Variants in ESCO2 observed in about 807,000 individuals in gnomAD.
ESCO2 encodes the protein establishment of sister chromatid cohesion N-acetyltransferase 2.
A neutral mutation model predicts 61.7 loss-of-function variants in ESCO2; 51 were observed. That is an observed-to-expected ratio of 0.83 (90% CI 0.66 to 1.04). The LOEUF is 1.04. Among genes scored for constraint, ESCO2 ranks in the 50% least tolerant of loss-of-function variants. The pLI, the probability that ESCO2 is intolerant of heterozygous loss-of-function variation, is 0.00. For missense variants in ESCO2, 692 were observed against 686.2 expected (o/e 1.01, Z -0.09); for synonymous variants, 230 against 238.2 (o/e 0.97, Z 0.32).
chr8:27,776,499 A>G lies in ESCO2; in HGVS notation c.191A>G (p.Glu64Gly). Reference protein sequence around the residue: ...HFVLSALKTTEINRLPSANQG... With the variant: ...HFVLSALKTTGINRLPSANQG... ...GTTTTAAGTGCGCTCAAAACAACTG[A>G]AATAAATAGACTGCCATCAGCAAAT... The change falls in exon 3 of 11, where the codon GAA becomes GGA. Residue 64 changes from glutamate to glycine, a missense_variant. By Grantham distance (98) the Glu-to-Gly change is moderately conservative. Coordinates refer to ENST00000305188, the MANE Select transcript of ESCO2 (RefSeq NM_001017420.3). 1.9e-6 allele frequency: 3 copies of G among 1,613,818 alleles called. No homozygotes were observed. The highest frequency in any genetic ancestry group is 2.5e-6 in the Non-Finnish European group (3 of 1,179,962).
At chr8:27,793,959 T>TA (rs1805238803) in intron 9 of ESCO2, among the ~76,000 whole-genome samples, 2 of 152,196 alleles carry the variant, frequency 1.3e-5, no homozygotes, top group African/African-American at 2.4e-5. Context: ...GAAGTCAACT[T>TA]CTTTAGATTC....
rs1449798355 is a variant in ESCO2 at position 27,787,960 on chromosome 8, T to C, written c.1089T>C (p.Asn363=). Residue 363 remains asparagine (N), a synonymous_variant, in exon 6 of 11, where the codon AAT becomes AAC. Transcript: ENST00000305188. ...MKQTNIQKNT[N]TRDTSKKTKD... ...AGACCAATATCCAGAAAAATACTAATACCAGAGATACAAGTAAAAAAACAA... is the reference window on the plus strand; with the variant it reads ...AGACCAATATCCAGAAAAATACTAACACCAGAGATACAAGTAAAAAAACAA... 1 of 1,613,582 alleles carries C rather than the reference T, an allele frequency of 6.2e-7. No homozygotes were observed. The highest frequency in any genetic ancestry group is 8.5e-7 in the Non-Finnish European group (1 of 1,179,798).
At chr8:27,808,476 G>T, downstream of ESCO2, 1 of 154,788 alleles carries the variant, frequency 6.5e-6, no homozygotes. Context: ...GAGTTCCAGA[G>T]CAGCCTGAGC....
intron 9 of ESCO2, among the ~76,000 whole-genome samples, chr8:27,799,089 C>T (rs754512083): frequency 2.6e-5 from 4 of 151,888 alleles, no homozygotes; most frequent in Admixed American, 6.6e-5. Context: ...GATACATGCT[C>T]CTCTGTAGTG....
chr8:27,800,703 CTG>C (rs1805404451), intron 10 of ESCO2, among the ~76,000 whole-genome samples: 2 of 152,146 alleles, frequency 1.3e-5, no homozygotes, highest in South Asian at 4.1e-4. Flanking sequence ...ATAATCCAAT[CTG>C]TGATTAATGG....
chr8:27,808,733 T>A (rs1487778742), downstream of ESCO2, among the ~76,000 whole-genome samples: 2 of 150,076 alleles, frequency 1.3e-5, no homozygotes, highest in Non-Finnish European at 1.5e-5. Flanking sequence ...GTTGCTCTTT[T>A]GAGAATGAGG....
chr8:27,780,320 A>G (rs1207436495), intron 4 of ESCO2, 53 bp downstream of exon 4: 9 of 1,088,592 alleles, frequency 8.3e-6, no homozygotes, highest in Admixed American at 1.8e-5. Flanking sequence ...TTTATTACAT[A>G]CATTATACAA....
At chr8:27,793,479 G>GTTTTTTTTTTTTTTTT (rs67670087) in intron 9 of ESCO2, among the ~76,000 whole-genome samples, 1 of 125,508 alleles carries the variant, frequency 8.0e-6, no homozygotes, top group Admixed American at 8.0e-5. Flanking sequence ...CTTTTTCTTT[G>GTTTTTTTTTTTTTTTT]TTTTTTTTTT....
rs1804984853 is a variant in ESCO2, at chr8:27,784,132, T to G, written c.1013+75T>G. ...CCTCTGGGTCTCTTTTTCAGTCTCA[T>G]GCTACTTAATTTGGGGAGTTTTTTT... On this transcript the variant is annotated intron_variant, in intron 5 of 10. Coordinates refer to ENST00000305188, the MANE Select transcript of ESCO2 (RefSeq NM_001017420.3). 8.3e-6 allele frequency: 12 copies of G among 1,438,668 alleles called. No individual in the cohort carries two copies. In the South Asian group the frequency reaches 1.4e-4, roughly 17 times the overall value. 89.1% of individuals were successfully genotyped at this position (1,438,668 alleles called of 1,614,324 possible).
intron 4 of ESCO2, among the ~76,000 whole-genome samples, chr8:27,781,673 G>C (rs199858679): frequency 6.7e-6 from 1 of 150,244 alleles, no homozygotes; most frequent in African/African-American, 2.4e-5. Flanking sequence ...CATTTCTCCC[G>C]CCTCAGCCTC....
At chr8:27,814,862 CTA>C (rs1358663069), downstream of ESCO2, among the ~76,000 whole-genome samples, 5 of 152,144 alleles carry the variant, frequency 3.3e-5, no homozygotes, top group African/African-American at 4.8e-5. Context: ...CAAATATACT[CTA>C]TGATTCCTCC....
At chr8:27,780,053 A>G in intron 3 of ESCO2, 121 bp from the exon 4 acceptor site, 1 of 690,336 alleles carries the variant, frequency 1.4e-6, no homozygotes, top group South Asian at 1.7e-5. Flanking sequence ...AAATCACATT[A>G]TGAAATGTAA....
At chr8:27,811,179 G>A (rs376490786), downstream of ESCO2, 44 of 1,582,022 alleles carry the variant, frequency 2.8e-5, no homozygotes, top group Non-Finnish European at 3.5e-5. Flanking sequence ...TACAAATCAC[G>A]AAAAGGCAAG....
chr8:27,787,074 G>C (rs1205299759), intron 5 of ESCO2, among the ~76,000 whole-genome samples: 2 of 151,940 alleles, frequency 1.3e-5, no homozygotes, highest in African/African-American at 4.8e-5. Context: ...ATTCTTTGAT[G>C]GAGTAGAGGT....
chr8:27,805,873 T>A (rs1805553578), downstream of ESCO2, among the ~76,000 whole-genome samples: 1 of 152,094 alleles, frequency 6.6e-6, no homozygotes. Context: ...GCTGAAGTGA[T>A]CCTCCCACTT....
Position 27,791,318 on chromosome 8 carries a change from A to AT in ESCO2, c.1264-638dup, listed in dbSNP as rs369905823. Among the ~76,000 whole-genome samples, 43 of 152,192 alleles carry AT rather than the reference A, an allele frequency of 2.8e-4. 1 individual carries two copies. Among genetic ancestry groups the AT allele is most frequent in the Admixed American group, 2.6e-3 (40 of 15,284 alleles). ...TTTTCCAATCAGTCAGTTATACCAGATTTTTTTGCCATTCTCTGCACCTTT... is the reference window on the plus strand; with the variant it reads ...TTTTCCAATCAGTCAGTTATACCAGATTTTTTTTGCCATTCTCTGCACCTTT... On this transcript the variant is annotated intron_variant, in intron 7 of 10. Transcript: ENST00000305188.
downstream of ESCO2, among the ~76,000 whole-genome samples, chr8:27,809,257 T>A (rs1805622069): frequency 6.6e-6 from 1 of 152,214 alleles, no homozygotes; most frequent in Admixed American, 6.5e-5. Flanking sequence ...TGTCACATTA[T>A]TTTGATGGAA....
intron 3 of ESCO2, chr8:27,778,382 G>A (rs1309344387): frequency 6.6e-6 from 1 of 151,876 alleles, no homozygotes; most frequent in Non-Finnish European, 1.5e-5. Context: ...ATACGTTCTT[G>A]CTAGCTAAGC....
chr8:27,811,088 G>T (rs1307311834), downstream of ESCO2: 1 of 1,613,420 alleles, frequency 6.2e-7, no homozygotes, highest in South Asian at 1.1e-5. Context: ...CAGCTTCTTT[G>T]GGTTTCCATG....
Sources: gnomAD v4.1 joint callset for allele counts (sites outside exome capture counted in the v4.1 genomes callset) on GRCh38, gnomAD v4.1.1 for gene constraint, MANE v1.5 for transcripts, NCBI Gene and HGNC (gene_info 2026-07-23, HGNC 2026-07-21) for gene names.